Variants in PPIP5K2 observed in about 807,000 individuals in gnomAD.
PPIP5K2 encodes inositol hexakisphosphate and diphosphoinositol-pentakisphosphate kinase 2.
PPIP5K2 carries 105 observed loss-of-function variants against 154.6 expected under a neutral mutation model. That is an observed-to-expected ratio of 0.68 (90% CI 0.58 to 0.80). The LOEUF (loss-of-function observed/expected upper bound fraction) is 0.80, where lower values mean the gene tolerates loss of function less well. Among genes scored for constraint, PPIP5K2 ranks in the 30% least tolerant of loss-of-function variants. PPIP5K2 has a pLI of 0.00. For missense variants in PPIP5K2, 992 were observed against 1,504.6 expected (o/e 0.66, Z 5.64); for synonymous variants, 480 against 490.3 (o/e 0.98, Z 0.28).
chr5:103,157,104 C>T (rs1055345476), intron 14 of PPIP5K2, among the ~76,000 whole-genome samples: 3 of 151,996 alleles, frequency 2.0e-5, no homozygotes, highest in East Asian at 1.9e-4. Context: ...CTCACAGAAC[C>T]GCTAACTTGC....
At chr5:103,150,843 C>CTTTTTT (rs377739666) in intron 8 of PPIP5K2, among the ~76,000 whole-genome samples, 52 of 68,092 alleles carry the variant, frequency 7.6e-4, no homozygotes, top group Non-Finnish European at 1.1e-3. Context: ...GTCCATCCTC[C>CTTTTTT]TTTTTTTTTT....
chr5:103,150,390 A>G (rs1288302962), intron 8 of PPIP5K2, among the ~76,000 whole-genome samples: 3 of 152,224 alleles, frequency 2.0e-5, no homozygotes, highest in African/African-American at 7.2e-5. Flanking sequence ...CTGAGTGGCA[A>G]ATTCATGCCT....
intron 1 of PPIP5K2, among the ~76,000 whole-genome samples, chr5:103,122,409 C>G (rs34786): frequency 0.24 from 37,061 of 151,898 alleles, 5,119 homozygotes; most frequent in East Asian, 0.45. Context: ...CGGATAGGAA[C>G]TTTCAAGGAG....
chr5:103,173,244 G>A lies in PPIP5K2; in HGVS notation c.2376G>A (p.Arg792=). ...GAAAAATTCGCTCAGACCTTCAGAG[G>A]ACACAAGATGATGACACTGTAAATA... ...LVRKIRSDLQ[R]TQDDDTVNKL... The change falls in exon 20 of 31, where the codon AGG becomes AGA. Residue 792 remains arginine (R), a synonymous_variant. Transcript: ENST00000358359. 1.2e-6 allele frequency: 2 copies of A among 1,611,662 alleles called. No individual in the cohort carries two copies. Among genetic ancestry groups the A allele is most frequent in the Middle Eastern group, 1.7e-4 (1 of 6,042 alleles).
intron 28 of PPIP5K2, chr5:103,189,122 T>C: frequency 1.4e-6 from 2 of 1,402,424 alleles, no homozygotes; most frequent in South Asian, 2.5e-5. Context: ...GTGAAACAAG[T>C]ATCTTCTGAC....
At chr5:103,144,223 G>T (rs1793352189) in intron 5 of PPIP5K2, among the ~76,000 whole-genome samples, 1 of 150,164 alleles carries the variant, frequency 6.7e-6, no homozygotes, top group African/African-American at 2.4e-5. Flanking sequence ...TTCACTTAAA[G>T]AAATGAAAGA....
At chr5:103,143,480 A>G (rs1554207956) in intron 5 of PPIP5K2, among the ~76,000 whole-genome samples, 2 of 152,208 alleles carry the variant, frequency 1.3e-5, no homozygotes, top group African/African-American at 4.8e-5. Flanking sequence ...CCGGCAGAAA[A>G]TCACTTTGCC....
chr5:103,170,493 A>G (rs1440666102), intron 19 of PPIP5K2, among the ~76,000 whole-genome samples: 2 of 151,658 alleles, frequency 1.3e-5, no homozygotes, highest in Non-Finnish European at 1.5e-5. Flanking sequence ...CCAAGTTTAC[A>G]TAAATCAGTT....
In PPIP5K2 at chr5:103,129,348, C is replaced by T. The variant is rs192567509; in HGVS notation, c.-242C>T. The T allele has an allele frequency of 9.8e-4, 251 of 256,708 alleles. No homozygotes were observed. Among genetic ancestry groups the T allele is most frequent in the Non-Finnish European group, 1.6e-3 (214 of 135,412 alleles). The allele number at this position is 256,708 out of a possible 1,614,324, so 15.9% of individuals were successfully genotyped here. On this transcript the variant is annotated 5_prime_UTR_variant, in exon 2 of 31. Coordinates refer to ENST00000358359, the MANE Select transcript of PPIP5K2 (RefSeq NM_001276277.3). The stretch of plus-strand genomic sequence containing the variant: ...TCAACTCAAGAAAGCAGTAACTTCA[C>T]TGTCTTTGTATTTTGAATTGCAACA...
intron 1 of PPIP5K2, among the ~76,000 whole-genome samples, chr5:103,128,421 ATTTG>A (rs1790078999): frequency 7.1e-6 from 1 of 140,824 alleles, no homozygotes; most frequent in Non-Finnish European, 1.6e-5. Flanking sequence ...TTATTTATTT[ATTTG>A]AGACAGAGTC....
intron 30 of PPIP5K2, among the ~76,000 whole-genome samples, chr5:103,197,972 A>T (rs1802375557): frequency 6.6e-6 from 1 of 151,942 alleles, no homozygotes; most frequent in African/African-American, 2.4e-5. Flanking sequence ...GTTTACTTTT[A>T]TCCTCTATTT....
chr5:103,136,548 G>GA (rs1791530958), intron 3 of PPIP5K2, among the ~76,000 whole-genome samples, 184 bp from the exon 4 acceptor site: 1 of 152,052 alleles, frequency 6.6e-6, no homozygotes, highest in Non-Finnish European at 1.5e-5. Flanking sequence ...ATCAAATTAT[G>GA]AAAAAATAAG....
chr5:103,173,183 T>G lies in PPIP5K2; in HGVS notation c.2315T>G (p.Leu772Arg). The G allele has an allele frequency of 6.2e-7, 1 of 1,608,526 alleles. No individual in the cohort carries two copies. The highest frequency in any genetic ancestry group is 1.3e-5 in the African/African-American group (1 of 74,616). Reference protein sequence around the residue: ...QEYGITKAEKLEIAKGYCTPL... With the variant: ...QEYGITKAEKREIAKGYCTPL... ...TATGGTATAACTAAAGCTGAAAAACTGGAGATTGCCAAAGGCTACTGTACT... is the reference window on the plus strand; with the variant it reads ...TATGGTATAACTAAAGCTGAAAAACGGGAGATTGCCAAAGGCTACTGTACT... The change falls in exon 20 of 31, where the codon CTG becomes CGG. Residue 772 changes from leucine to arginine, a missense_variant. Around this residue, in one of 9 missense-constraint regions of PPIP5K2, gnomAD observed 157 missense variants for 281.2 expected, o/e 0.56. Transcript: ENST00000358359.
chr5:103,176,702 CTG>C (rs1312307930), intron 21 of PPIP5K2, among the ~76,000 whole-genome samples: 1 of 151,926 alleles, frequency 6.6e-6, no homozygotes, highest in East Asian at 1.9e-4. Context: ...GGAAATTTAT[CTG>C]TGATGTACGT....
At chr5:103,179,750 G>A (rs1256880094) in intron 23 of PPIP5K2, among the ~76,000 whole-genome samples, 8 of 151,824 alleles carry the variant, frequency 5.3e-5, no homozygotes, top group East Asian at 1.9e-4. Context: ...GTAATTAAAC[G>A]CTTTGTCTTA....
At chr5:103,199,605 G>A (rs1419368863) in intron 30 of PPIP5K2, among the ~76,000 whole-genome samples, 1 of 151,730 alleles carries the variant, frequency 6.6e-6, no homozygotes, top group Non-Finnish European at 1.5e-5. Flanking sequence ...GTTGACTAAG[G>A]CATATTTATG....
In PPIP5K2 at chr5:103,184,720, G is replaced by A. The variant is rs140891481; in HGVS notation, c.3145G>A (p.Glu1049Lys). ...NYLRTPRTLV[E>K]QKQNPTVGSH... Reference sequence around the variant, plus strand: ...CCTGAGAACACCAAGAACTCTTGTGGAACAGAAGCAGAATCCTACTGTAGG... The same window carrying A: ...CCTGAGAACACCAAGAACTCTTGTGAAACAGAAGCAGAATCCTACTGTAGG... The change falls in exon 26 of 31, where the codon GAA becomes AAA. Residue 1049 changes from glutamate to lysine, a missense_variant. Physicochemically the swap from Glu to Lys is moderately conservative, Grantham distance 56 (BLOSUM62 1). Transcript: ENST00000358359. 1.2e-6 allele frequency: 2 copies of A among 1,612,502 alleles called. No individual in the cohort carries two copies. The highest frequency in any genetic ancestry group is 1.7e-6 in the Non-Finnish European group (2 of 1,178,926).
At position 103,180,121 on chromosome 5, in the gene PPIP5K2, T is replaced by G. The variant is rs782324139; in HGVS notation, c.2855T>G (p.Val952Gly). 11 of 1,605,478 alleles carry G rather than the reference T, an allele frequency of 6.9e-6. No homozygotes were observed. Among genetic ancestry groups the G allele is most frequent in the Non-Finnish European group, 9.3e-6 (11 of 1,176,680 alleles). The change falls in exon 24 of 31, where the codon GTA (valine) becomes GGA (glycine). Residue 952 changes from valine (V) to glycine (G), a missense_variant. Val to Gly is a moderately radical substitution (Grantham distance 109, BLOSUM62 -3). Coordinates refer to ENST00000358359, the MANE Select transcript of PPIP5K2 (RefSeq NM_001276277.3). ...DRAVILFKPM[V>G]SEPIHIHRKS... The stretch of plus-strand genomic sequence containing the variant: ...GCTGTGATATTGTTTAAACCAATGG[T>G]ATCAGAGCCAATTCATATACACAGG...
chr5:103,124,908 G>T lies in PPIP5K2; in HGVS notation c.-284-4398G>T, dbSNP rs181005728. On this transcript the variant is annotated intron_variant, in intron 1 of 30. Coordinates refer to ENST00000358359, the MANE Select transcript of PPIP5K2 (RefSeq NM_001276277.3). ...GCCTAATAAATGTTCCTTCCCTTGA[G>T]ATTTATGTTGTGGAGGGATATACAT... is the stretch of plus-strand genomic sequence containing the variant. Among the ~76,000 whole-genome samples the T allele has an allele frequency of 3.3e-5, 5 of 152,316 alleles. No homozygotes were observed. In the East Asian group the frequency reaches 9.6e-4, roughly 29 times the overall value.
Sources: gnomAD v4.1 joint callset for allele counts (sites outside exome capture counted in the v4.1 genomes callset) on GRCh38, gnomAD v4.1.1 for gene constraint, gnomAD v4.1.1 regional missense constraint, MANE v1.5 for transcripts, NCBI Gene and HGNC (gene_info 2026-07-23, HGNC 2026-07-21) for gene names.